The following SORCS1 variants were observed in gnomAD, a reference collection of about 807,000 sequenced individuals.
SORCS1 encodes VPS10 domain-containing receptor SorCS1.
Under a neutral mutation model 146.1 loss-of-function variants are expected in SORCS1, and 60 were observed. The observed-to-expected ratio is 0.41, with a 90% confidence interval of 0.33 to 0.51. The LOEUF is 0.51. Ranked by LOEUF, SORCS1 falls within the 20% of genes least tolerant of loss-of-function variation. SORCS1 has a pLI of 0.21. For synonymous variants in SORCS1, 637 were observed against 584.0 expected (o/e 1.09, Z -1.31); for missense variants, 1,352 against 1,487.6 (o/e 0.91, Z 1.50).
At chr10:106,860,968 T>C (rs1399885346) in intron 2 of SORCS1, among the ~76,000 whole-genome samples, 1 of 152,196 alleles carries the variant, frequency 6.6e-6, no homozygotes, top group Non-Finnish European at 1.5e-5. Flanking sequence ...TGAAATGGCA[T>C]ACATACACAC....
At chr10:107,046,520 G>C (rs376624235) in intron 1 of SORCS1, among the ~76,000 whole-genome samples, 19 of 151,974 alleles carry the variant, frequency 1.3e-4, no homozygotes, top group Middle Eastern at 6.8e-3. Flanking sequence ...AAATGCAAAA[G>C]TGCCTAAGGT....
At chr10:107,054,805 G>A (rs796926466) in intron 1 of SORCS1, among the ~76,000 whole-genome samples, 1 of 152,262 alleles carries the variant, frequency 6.6e-6, no homozygotes, top group African/African-American at 2.4e-5. Flanking sequence ...TTGACCTGAC[G>A]TGAACAAATT....
chr10:106,833,539 AGT>A (rs1345131857), intron 2 of SORCS1, among the ~76,000 whole-genome samples: 1 of 152,142 alleles, frequency 6.6e-6, no homozygotes, highest in Non-Finnish European at 1.5e-5. Context: ...TTCTCTGAGT[AGT>A]TGTTCCTGCG....
intron 1 of SORCS1, among the ~76,000 whole-genome samples, chr10:106,989,093 T>C (rs1215366395): frequency 7.0e-6 from 1 of 143,054 alleles, no homozygotes; most frequent in African/African-American, 2.7e-5. Flanking sequence ...ACCCTGCCTC[T>C]ACTAAAAATA....
At chr10:107,121,835 G>A (rs1226445593) in intron 1 of SORCS1, among the ~76,000 whole-genome samples, 1 of 152,178 alleles carries the variant, frequency 6.6e-6, no homozygotes, top group East Asian at 1.9e-4. Flanking sequence ...CACAAGGACT[G>A]TCTGTGGTTT....
At chr10:106,775,369 G>GAA (rs145104778) in intron 4 of SORCS1, among the ~76,000 whole-genome samples, 5,868 of 150,598 alleles carry the variant, frequency 0.039, 170 homozygotes, top group East Asian at 0.11. Flanking sequence ...TGCTCAACAG[G>GAA]AAAAAAAAAT....
At chr10:106,878,244 T>C (rs770840777) in intron 2 of SORCS1, among the ~76,000 whole-genome samples, 1 of 151,350 alleles carries the variant, frequency 6.6e-6, no homozygotes, top group Non-Finnish European at 1.5e-5. Context: ...ACCACTGTCT[T>C]CTGGGGGACT....
chr10:106,757,796 G>T (rs1476691696), intron 5 of SORCS1, among the ~76,000 whole-genome samples: 1 of 152,334 alleles, frequency 6.6e-6, no homozygotes, highest in East Asian at 1.9e-4. Context: ...AAGAGCATTT[G>T]TTGATTTAGT....
At chr10:107,162,677 A>T (rs1213622811) in intron 1 of SORCS1, among the ~76,000 whole-genome samples, 2 of 152,218 alleles carry the variant, frequency 1.3e-5, no homozygotes, top group African/African-American at 4.8e-5. Context: ...GTACCCAAGG[A>T]ATTCATGATG....
intron 19 of SORCS1, among the ~76,000 whole-genome samples, chr10:106,624,422 A>G (rs1472625917): frequency 8.4e-6 from 1 of 118,966 alleles, no homozygotes; most frequent in Non-Finnish European, 1.6e-5. Context: ...GTGCAGTGGC[A>G]CGATCTTGGC....
intron 1 of SORCS1, among the ~76,000 whole-genome samples, chr10:107,154,283 G>A (rs1391488822): frequency 6.6e-6 from 1 of 152,040 alleles, no homozygotes. Context: ...GATTACAGGC[G>A]TGAGCCACCA....
At chr10:106,738,006 T>G (rs1299050554) in intron 5 of SORCS1, among the ~76,000 whole-genome samples, 1 of 152,016 alleles carries the variant, frequency 6.6e-6, no homozygotes, top group Non-Finnish European at 1.5e-5. Context: ...AAAAAATTAA[T>G]GAGATAAATC....
intron 1 of SORCS1, among the ~76,000 whole-genome samples, chr10:107,162,210 T>C (rs764194644): frequency 1.3e-5 from 2 of 152,232 alleles, no homozygotes; most frequent in African/African-American, 4.8e-5. Flanking sequence ...AGAGGTCTAA[T>C]GGGTGAGTGA....
intron 5 of SORCS1, among the ~76,000 whole-genome samples, chr10:106,741,529 C>T (rs1356015505): frequency 2.0e-5 from 3 of 152,074 alleles, no homozygotes; most frequent in Non-Finnish European, 4.4e-5. Flanking sequence ...ACCCAGGAAG[C>T]AGAGTTTGCA....
intron 8 of SORCS1, among the ~76,000 whole-genome samples, chr10:106,704,555 T>A (rs997052209): frequency 5.9e-5 from 9 of 152,070 alleles, no homozygotes; most frequent in African/African-American, 2.2e-4. Flanking sequence ...CCAGGCTTGG[T>A]GGCACGCTCC....
In SORCS1 at chr10:106,846,002, G is replaced by T. The variant is rs1229742368; in HGVS notation, c.627-16329C>A. 1.5e-5 allele frequency among the ~76,000 whole-genome samples: 2 copies of T among 130,058 alleles called. 1 individual carries two copies. Among genetic ancestry groups the T allele is most frequent in the Non-Finnish European group, 3.6e-5 (2 of 55,776 alleles). 85.3% of individuals were successfully genotyped at this position (130,058 alleles called of 152,430 possible). ...TTACTGTAGCCTTGTAGCATAGTTT[G>T]CAGTCAGGTAGTGTGATGCCTCCAG... On this transcript the variant is annotated intron_variant, in intron 2 of 25. Coordinates refer to ENST00000263054, the MANE Select transcript of SORCS1 (RefSeq NM_052918.5).
At chr10:107,025,844 C>T (rs1412800046) in intron 1 of SORCS1, among the ~76,000 whole-genome samples, 1 of 152,138 alleles carries the variant, frequency 6.6e-6, no homozygotes, top group East Asian at 1.9e-4. Flanking sequence ...CGGCAGTCAG[C>T]AAGCGTGAGA....
chr10:106,733,863 A>T (rs963849593), intron 5 of SORCS1, among the ~76,000 whole-genome samples: 1 of 152,102 alleles, frequency 6.6e-6, no homozygotes, highest in Non-Finnish European at 1.5e-5. Flanking sequence ...GACACATATC[A>T]CTGTCATAGT....
At chr10:106,923,192 C>T (rs1952808632) in intron 2 of SORCS1, among the ~76,000 whole-genome samples, 1 of 152,088 alleles carries the variant, frequency 6.6e-6, no homozygotes, top group African/African-American at 2.4e-5. Flanking sequence ...TCCGGCCAAC[C>T]ATGGACTTTC....
Sources: allele counts gnomAD v4.1 joint callset (sites outside exome capture counted in the v4.1 genomes callset), GRCh38; gene constraint gnomAD v4.1.1; transcripts MANE v1.5; gene names NCBI Gene and HGNC (gene_info 2026-07-23, HGNC 2026-07-21).